The following ZNF81 variants were observed in gnomAD, a reference collection of about 807,000 sequenced individuals.
The protein encoded by ZNF81 is zinc finger protein 81.
ZNF81 carries 5 observed loss-of-function variants against 32.3 expected under a neutral mutation model. That is an observed-to-expected ratio of 0.15 (90% confidence interval 0.08 to 0.33). The LOEUF (loss-of-function observed/expected upper bound fraction) is 0.33, where lower values mean the gene tolerates loss of function less well. Ranked by LOEUF, ZNF81 falls within the 10% of genes least tolerant of loss-of-function variation. The pLI, the probability that ZNF81 is intolerant of heterozygous loss-of-function variation, is 1.00. For missense variants in ZNF81, 379 were observed against 479.8 expected (o/e 0.79, Z 1.96); for synonymous variants, 163 against 166.8 (o/e 0.98, Z 0.17).
At chrX:47,866,710 C>G (rs1174973208) in intron 2 of ZNF81, among the ~76,000 whole-genome samples, 1 of 111,342 alleles carries the variant, frequency 9.0e-6, no homozygotes, top group Non-Finnish European at 1.9e-5. Context: ...AGGCTAAACT[C>G]CCAGGGTGAC....
At chrX:47,875,085 G>A (rs1269084124) in intron 2 of ZNF81, among the ~76,000 whole-genome samples, 6 of 110,265 alleles carry the variant, frequency 5.4e-5, no homozygotes, top group African/African-American at 1.7e-4. Flanking sequence ...TTGAGGCCAC[G>A]GGGGTGGGGG....
At chrX:47,855,132 T>TA (rs1187689832) in intron 2 of ZNF81, among the ~76,000 whole-genome samples, 2 of 100,592 alleles carry the variant, frequency 2.0e-5, no homozygotes, top group Admixed American at 1.1e-4. Context: ...TAAAGTATAA[T>TA]AAAAAAAATT....
chrX:47,876,384 G>A (rs1556884542), intron 2 of ZNF81, among the ~76,000 whole-genome samples: 1 of 112,137 alleles, frequency 8.9e-6, no homozygotes, highest in East Asian at 2.8e-4. Flanking sequence ...CACAGGGGTG[G>A]CTCAGATTGT....
In ZNF81 at chrX:47,925,197, C is replaced by G. The variant is rs1556892503; in HGVS notation, c.*8565C>G. On this transcript the variant is annotated 3_prime_UTR_variant, in exon 5 of 5. Transcript: ENST00000338637. ...GAAAGTGGAACTTGTTTAAAGTGTA[C>G]AATTTGATGAGTTTTGACGTGTGCA... 9.0e-6 allele frequency among the ~76,000 whole-genome samples: 1 copy of G among 111,350 alleles called. No individual in the cohort carries two copies.
intron 1 of ZNF81, among the ~76,000 whole-genome samples, chrX:47,844,117 T>C (rs782161672): frequency 8.9e-6 from 1 of 112,324 alleles, no homozygotes; most frequent in Non-Finnish European, 1.9e-5. Flanking sequence ...TCCTGGGTTA[T>C]TCAGGAAAAA....
At chrX:47,853,459 C>T in intron 2 of ZNF81, among the ~76,000 whole-genome samples, 1 of 111,675 alleles carries the variant, frequency 9.0e-6, no homozygotes. Flanking sequence ...GGGTTACAGG[C>T]GTGAGCCACC....
intron 2 of ZNF81, among the ~76,000 whole-genome samples, chrX:47,849,498 C>T (rs1047075253): frequency 1.8e-5 from 2 of 110,810 alleles, no homozygotes; most frequent in Non-Finnish European, 3.8e-5. Flanking sequence ...ATGGTGAAAC[C>T]CTGTCTCTAC....
intron 4 of ZNF81, among the ~76,000 whole-genome samples, chrX:47,902,630 C>G (rs1458593744): frequency 8.9e-5 from 10 of 112,370 alleles, no homozygotes; most frequent in African/African-American, 2.9e-4. Flanking sequence ...AATTAAAACT[C>G]TGAATAGAAA....
intron 2 of ZNF81, among the ~76,000 whole-genome samples, chrX:47,876,331 T>C (rs1465057454): frequency 8.9e-6 from 1 of 112,630 alleles, no homozygotes; most frequent in African/African-American, 3.2e-5. Flanking sequence ...AATTCAACTC[T>C]TTTTTAACCT....
At chrX:47,873,121 G>A (rs1241477236) in intron 2 of ZNF81, among the ~76,000 whole-genome samples, 2 of 111,640 alleles carry the variant, frequency 1.8e-5, no homozygotes, top group African/African-American at 6.5e-5. Flanking sequence ...AAATCTGCAA[G>A]GAAGTCTCTC....
intron 2 of ZNF81, among the ~76,000 whole-genome samples, chrX:47,882,572 T>A (rs2058625275): frequency 8.8e-6 from 1 of 113,014 alleles, no homozygotes; most frequent in African/African-American, 3.2e-5. Flanking sequence ...TTATCATGAA[T>A]CAAGCCTGCT....
At position 47,846,958 on chromosome X, in the gene ZNF81, C is replaced by T. The variant is rs782770083; in HGVS notation, c.54+637C>T. Among the ~76,000 whole-genome samples, 10 of 111,828 alleles carry T rather than the reference C, an allele frequency of 8.9e-5. 1 individual carries two copies. In the East Asian group the frequency reaches 1.4e-3, roughly 16 times the overall value. On this transcript the variant is annotated intron_variant, in intron 2 of 4. Coordinates refer to ENST00000338637, the MANE Select transcript of ZNF81 (RefSeq NM_007137.5). Reference sequence around the variant, plus strand: ...GGTATCTATGCTGTGATGACTATTTCGGCACAACTTTTTTCTTTTCCCTGG... The same window carrying T: ...GGTATCTATGCTGTGATGACTATTTTGGCACAACTTTTTTCTTTTCCCTGG...
intron 2 of ZNF81, among the ~76,000 whole-genome samples, chrX:47,877,120 G>T (rs1424107965): frequency 8.9e-6 from 1 of 112,532 alleles, no homozygotes; most frequent in East Asian, 2.8e-4. Context: ...TTGGCCCAAA[G>T]GGCCCTATCC....
intron 2 of ZNF81, among the ~76,000 whole-genome samples, chrX:47,870,006 T>C (rs1460174799): frequency 8.9e-6 from 1 of 111,776 alleles, no homozygotes; most frequent in Non-Finnish European, 1.9e-5. Context: ...AACTGCATTT[T>C]TCTTTTACTT....
chrX:47,889,957 A>G (rs2058656820), intron 3 of ZNF81, among the ~76,000 whole-genome samples: 1 of 111,455 alleles, frequency 9.0e-6, no homozygotes, highest in South Asian at 3.8e-4. Flanking sequence ...CCCATCTCCA[A>G]CACTGGGGAT....
intron 4 of ZNF81, among the ~76,000 whole-genome samples, chrX:47,908,383 A>G (rs781863113): frequency 8.9e-6 from 1 of 111,786 alleles, no homozygotes; most frequent in African/African-American, 3.2e-5. Context: ...AAGACTGACA[A>G]TTATCAAATG....
chrX:47,910,058 G>A lies in ZNF81; in HGVS notation c.278-4866G>A, dbSNP rs1194474571. 3.5e-4 allele frequency among the ~76,000 whole-genome samples: 39 copies of A among 111,170 alleles called. 1 individual carries two copies. The highest frequency in any genetic ancestry group is 2.8e-3 in the Admixed American group (29 of 10,421). On this transcript the variant is annotated intron_variant, in intron 4 of 4. Transcript: ENST00000338637. Reference sequence around the variant, plus strand: ...AGTCTTTGCTATTGTGAATAGTGCCGCAATGAACATACATGTGCATGTGTC... The same window carrying A: ...AGTCTTTGCTATTGTGAATAGTGCCACAATGAACATACATGTGCATGTGTC...
chrX:47,867,016 A>G (rs1255568304), intron 2 of ZNF81, among the ~76,000 whole-genome samples: 1 of 111,458 alleles, frequency 9.0e-6, no homozygotes, highest in East Asian at 2.8e-4. Context: ...AAAATGAAAC[A>G]CCACATGTTT....
At chrX:47,890,237 G>A (rs1196376162) in intron 3 of ZNF81, among the ~76,000 whole-genome samples, 1 of 110,460 alleles carries the variant, frequency 9.1e-6, no homozygotes, top group Non-Finnish European at 1.9e-5. Flanking sequence ...AAGGACTTGG[G>A]TGCTATAAGC....
Sources: gnomAD v4.1 joint callset for allele counts (sites outside exome capture counted in the v4.1 genomes callset) on GRCh38, gnomAD v4.1.1 for gene constraint, MANE v1.5 for transcripts, NCBI Gene and HGNC (gene_info 2026-07-23, HGNC 2026-07-21) for gene names.